Variants in PHAX observed in about 807,000 individuals in gnomAD.
The protein encoded by PHAX is phosphorylated adaptor for RNA export, also known as phosphorylated adapter RNA export protein.
In PHAX, 31 loss-of-function variants were observed where a neutral mutation model predicts 41.6. That is an observed-to-expected ratio of 0.75 (90% CI 0.56 to 1.01). The LOEUF (loss-of-function observed/expected upper bound fraction) is 1.01. Among genes scored for constraint, PHAX ranks in the 50% least tolerant of loss-of-function variants. The pLI is 0.00. For synonymous variants in PHAX, 175 were observed against 164.9 expected (o/e 1.06, Z -0.47); for missense variants, 453 against 472.9 (o/e 0.96, Z 0.39).
At chr5:126,623,817 G>C (rs867282877) in intron 4 of PHAX, among the ~76,000 whole-genome samples, 1 of 152,038 alleles carries the variant, frequency 6.6e-6, no homozygotes, top group African/African-American at 2.4e-5. Flanking sequence ...ATATAACAGG[G>C]ACTGGCTTGG....
At chr5:126,606,554 A>G (rs1214197482) in intron 2 of PHAX, among the ~76,000 whole-genome samples, 1 of 152,262 alleles carries the variant, frequency 6.6e-6, no homozygotes, top group Non-Finnish European at 1.5e-5. Flanking sequence ...GTATATATGC[A>G]TATATTCATA....
chr5:126,620,546 CCA>C (rs1313527802), intron 4 of PHAX, among the ~76,000 whole-genome samples: 1 of 152,126 alleles, frequency 6.6e-6, no homozygotes, highest in African/African-American at 2.4e-5. Context: ...CACTCTGACT[CCA>C]AAACCATGTT....
chr5:126,617,604 A>G (rs997969317), intron 4 of PHAX, among the ~76,000 whole-genome samples: 1 of 151,870 alleles, frequency 6.6e-6, no homozygotes, highest in African/African-American at 2.4e-5. Flanking sequence ...TCAGCCTCCC[A>G]AGTAGCTGGG....
chr5:126,601,194 C>A, intron 1 of PHAX, 136 bp downstream of exon 1: 1 of 624,362 alleles, frequency 1.6e-6, no homozygotes, highest in South Asian at 1.9e-5. Context: ...GCTGTCGGGT[C>A]AGTGGCCGCA....
In PHAX at chr5:126,623,849, G is replaced by GCCCAGGAGATAATAGGGT; in HGVS notation, c.916-720_916-703dup. Among the ~76,000 whole-genome samples, 3 of 152,146 alleles carry GCCCAGGAGATAATAGGGT rather than the reference G, an allele frequency of 2.0e-5. No homozygotes were observed. In the South Asian group the frequency reaches 6.2e-4, roughly 32 times the overall value. On this transcript the variant is annotated intron_variant, in intron 4 of 4. Coordinates refer to ENST00000297540, the MANE Select transcript of PHAX (RefSeq NM_032177.4). ...TTGGCTTGAGCTTTTTGGAATCCCTGCCCAGGAGATAATAGGGTCCCAGAA... is the reference window on the plus strand; with the variant it reads ...TTGGCTTGAGCTTTTTGGAATCCCTGCCCAGGAGATAATAGGGTCCCAGGAGATAATAGGGTCCCAGAA...
At position 126,627,087 on chromosome 5, in the gene PHAX, T is replaced by C. The variant is rs1420797775; in HGVS notation, c.*2243T>C. 1.3e-5 allele frequency: 2 copies of C among 152,232 alleles called. No individual in the cohort carries two copies. Among genetic ancestry groups the C allele is most frequent in the African/African-American group, 4.8e-5 (2 of 41,462 alleles). 9.4% of individuals were successfully genotyped at this position (152,232 alleles called of 1,614,324 possible). ...AAATGTTGTATATTAAGCAAAAATG[T>C]AAAATTCAGCAATTATAAACTGTTC... is the stretch of plus-strand genomic sequence containing the variant. On this transcript the variant is annotated 3_prime_UTR_variant, in exon 5 of 5. Transcript: ENST00000297540.
chr5:126,604,737 TA>T (rs35739461), intron 2 of PHAX, among the ~76,000 whole-genome samples: 38,748 of 147,860 alleles, frequency 0.26, 6,070 homozygotes, highest in African/African-American at 0.43. Flanking sequence ...CCTGGCCAAT[TA>T]AAAAAAAAAA....
intron 4 of PHAX, among the ~76,000 whole-genome samples, chr5:126,618,014 C>T (rs527835310): frequency 6.6e-5 from 10 of 152,196 alleles, no homozygotes; most frequent in African/African-American, 2.2e-4. Context: ...AGTGCAGTGG[C>T]GCAATTTCTG....
intron 4 of PHAX, among the ~76,000 whole-genome samples, chr5:126,623,391 G>C (rs1029471195): frequency 6.6e-6 from 1 of 152,154 alleles, no homozygotes; most frequent in Non-Finnish European, 1.5e-5. Context: ...TTCCACATCT[G>C]AAAACAAGGA....
At chr5:126,602,926 A>AC (rs1405177170) in intron 1 of PHAX, among the ~76,000 whole-genome samples, 2 of 150,838 alleles carry the variant, frequency 1.3e-5, no homozygotes, top group African/African-American at 4.9e-5. Flanking sequence ...AATGGTGTGA[A>AC]CCCGGGAGGC....
chr5:126,619,776 G>A (rs1384457638), intron 4 of PHAX, among the ~76,000 whole-genome samples: 17 of 152,116 alleles, frequency 1.1e-4, no homozygotes, highest in Admixed American at 1.1e-3. Context: ...TCTACAGTAT[G>A]GATTTTTCAA....
In PHAX at chr5:126,609,095, A is replaced by ATTTTTTTT. The variant is rs761125079; in HGVS notation, c.831+627_831+634dup. On this transcript the variant is annotated intron_variant, in intron 3 of 4. Transcript: ENST00000297540. ...ATGATTTGTTAAAGGTAGGGGTTGA[A>ATTTTTTTT]TTTTTTTTTTTTTTTTTTTTTTTGA... is the stretch of plus-strand genomic sequence containing the variant. Among the ~76,000 whole-genome samples, 18 of 101,234 alleles carry ATTTTTTTT rather than the reference A, an allele frequency of 1.8e-4. 2 individuals are homozygous for ATTTTTTTT. The highest frequency in any genetic ancestry group is 6.2e-4 in the African/African-American group (13 of 20,998). The allele number at this position is 101,234 out of a possible 152,430, so 66.4% of individuals were successfully genotyped here.
chr5:126,619,029 T>G (rs1451318530), intron 4 of PHAX, among the ~76,000 whole-genome samples: 2 of 152,058 alleles, frequency 1.3e-5, no homozygotes, highest in Non-Finnish European at 2.9e-5. Flanking sequence ...ACCTCCCTGG[T>G]CTTAGATGAC....
intron 2 of PHAX, among the ~76,000 whole-genome samples, chr5:126,604,771 C>G (rs1751964470): frequency 6.6e-6 from 1 of 151,986 alleles, no homozygotes. Context: ...CAGAGTGGCT[C>G]ATGCTTGTAA....
At chr5:126,617,163 T>G (rs1347022143) in intron 3 of PHAX, 87 bp from the exon 4 acceptor site, 9 of 697,602 alleles carry the variant, frequency 1.3e-5, no homozygotes, top group Non-Finnish European at 2.0e-5. Context: ...ATTTCTTCTA[T>G]CCCCTTAATT....
Position 126,620,611 on chromosome 5 carries a change from TA to T in PHAX, c.915+3279del, listed in dbSNP as rs1315205358. Among the ~76,000 whole-genome samples the T allele has an allele frequency of 5.3e-5, 8 of 152,216 alleles. No individual in the cohort carries two copies. The East Asian group carries it at 1.5e-3, about 29-fold the overall frequency. On this transcript the variant is annotated intron_variant, in intron 4 of 4. Coordinates refer to ENST00000297540, the MANE Select transcript of PHAX (RefSeq NM_032177.4). ...TGTAATTCAGTTATTCCAGCTCATT[TA>T]GGGAAAGGATTTTAATACTAGAAAG...
At chr5:126,617,125 A>T in intron 3 of PHAX, 125 bp from the exon 4 acceptor site, 1 of 483,310 alleles carries the variant, frequency 2.1e-6, no homozygotes, top group East Asian at 3.3e-5. Context: ...TGTAAGAGTC[A>T]GAATCAGGAC....
chr5:126,618,341 G>A (rs1251565501), intron 4 of PHAX, among the ~76,000 whole-genome samples: 2 of 151,738 alleles, frequency 1.3e-5, no homozygotes, highest in South Asian at 2.1e-4. Flanking sequence ...AGTCTGGAGT[G>A]AGTGTACAGT....
intron 3 of PHAX, among the ~76,000 whole-genome samples, chr5:126,616,659 C>T (rs1040653226): frequency 6.6e-6 from 1 of 151,966 alleles, no homozygotes; most frequent in African/African-American, 2.4e-5. Flanking sequence ...GCGGGCAGAT[C>T]GCCTGAGGTC....
Sources: gnomAD v4.1 joint callset for allele counts (sites outside exome capture counted in the v4.1 genomes callset) on GRCh38, gnomAD v4.1.1 for gene constraint, MANE v1.5 for transcripts, NCBI Gene and HGNC (gene_info 2026-07-23, HGNC 2026-07-21) for gene names.